The following CNTNAP3B variants were observed in gnomAD, a reference collection of about 807,000 sequenced individuals.
CNTNAP3B encodes the protein contactin associated protein family member 3B, also known as contactin-associated protein-like 3B.
In CNTNAP3B, 25 loss-of-function variants were observed where a neutral mutation model predicts 108.9. The ratio of observed to expected loss-of-function variants is 0.23; its 90% CI spans 0.17 to 0.32. The LOEUF is 0.32. Among genes scored for constraint, CNTNAP3B ranks in the 10% least tolerant of loss-of-function variants. The pLI, the probability that CNTNAP3B is intolerant of heterozygous loss-of-function variation, is 1.00. For synonymous variants in CNTNAP3B, 103 were observed against 473.4 expected (o/e 0.22, Z 10.16); for missense variants, 252 against 1,210.4 (o/e 0.21, Z 11.75).
intron 14 of CNTNAP3B, among the ~76,000 whole-genome samples, chr9:41,937,054 T>A (rs920231966): frequency 1.0e-4 from 15 of 150,452 alleles, no homozygotes; most frequent in Non-Finnish European, 1.8e-4. Context: ...GATTAGCTAT[T>A]TTATGTCCAA....
rs1019406435 is a variant in CNTNAP3B at position 42,092,992 on chromosome 9, A to G, written c.196+11637T>C. On this transcript the variant is annotated intron_variant, in intron 2 of 23. Transcript: ENST00000377561. ...CATATTATTTAATGTTTGCTTTGTC[A>G]TGGCTCTGAGCTAGATGTTGTGAAA... 2.5e-4 allele frequency among the ~76,000 whole-genome samples: 21 copies of G among 83,598 alleles called. 7 individuals carry two copies. The highest frequency in any genetic ancestry group is 4.4e-4 in the Non-Finnish European group (18 of 40,832). 54.8% of individuals were successfully genotyped at this position (83,598 alleles called of 152,430 possible).
intron 2 of CNTNAP3B, among the ~76,000 whole-genome samples, chr9:42,078,476 C>CAT (rs941968232): frequency 7.2e-6 from 1 of 138,394 alleles, no homozygotes; most frequent in African/African-American, 2.9e-5. Flanking sequence ...TGTACACAGA[C>CAT]ATATATATAA....
chr9:41,944,335 AC>A lies in CNTNAP3B; in HGVS notation c.2081-5936del, dbSNP rs1824459149. On this transcript the variant is annotated intron_variant, in intron 13 of 23. Coordinates refer to ENST00000377561, the MANE Select transcript of CNTNAP3B (RefSeq NM_001201380.3). Reference sequence around the variant, plus strand: ...GTAATAGGTAACAGCTCTAAATAATACTAACAATGTATTGGGTGATTATGGC... The same window carrying A: ...GTAATAGGTAACAGCTCTAAATAATATAACAATGTATTGGGTGATTATGGC... Among the ~76,000 whole-genome samples the A allele has an allele frequency of 3.4e-5, 5 of 145,842 alleles. No individual in the cohort carries two copies. In the South Asian group the frequency reaches 1.1e-3, roughly 32 times the overall value.
At chr9:42,076,173 G>T (rs2118611184) in intron 3 of CNTNAP3B, among the ~76,000 whole-genome samples, 1 of 66,296 alleles carries the variant, frequency 1.5e-5, no homozygotes, top group South Asian at 5.7e-4. Context: ...CCAGCACTTT[G>T]GGAGGTCAAG....
chr9:41,918,501 A>T (rs1823578089), intron 18 of CNTNAP3B, among the ~76,000 whole-genome samples: 1 of 145,246 alleles, frequency 6.9e-6, no homozygotes, highest in Admixed American at 6.9e-5. Context: ...ATAAAAAGAA[A>T]ATGTTGGGTG....
chr9:41,978,784 G>C (rs1371790361), intron 9 of CNTNAP3B, among the ~76,000 whole-genome samples: 1 of 141,918 alleles, frequency 7.0e-6, no homozygotes, highest in Non-Finnish European at 1.5e-5. Flanking sequence ...TAAGAGAGCA[G>C]ATTTTCAATG....
At chr9:41,945,633 G>A (rs1313466831) in intron 13 of CNTNAP3B, among the ~76,000 whole-genome samples, 1 of 152,312 alleles carries the variant, frequency 6.6e-6, no homozygotes, top group Non-Finnish European at 1.5e-5. Context: ...TGGGGAGAGG[G>A]GAGGAATAGC....
chr9:42,121,173 A>T (rs1383419545), intron 1 of CNTNAP3B, among the ~76,000 whole-genome samples: 1 of 137,882 alleles, frequency 7.3e-6, no homozygotes, highest in Non-Finnish European at 1.5e-5. Flanking sequence ...TGTCTCTCAG[A>T]GGCACAGCTG....
chr9:41,964,302 C>T (rs1825197249), intron 11 of CNTNAP3B, among the ~76,000 whole-genome samples: 1 of 152,152 alleles, frequency 6.6e-6, no homozygotes, highest in African/African-American at 2.4e-5. Context: ...AGACTTATTT[C>T]CCCATTGCTT....
chr9:41,967,732 A>C (rs1400182823), intron 10 of CNTNAP3B, among the ~76,000 whole-genome samples: 1 of 152,282 alleles, frequency 6.6e-6, no homozygotes, highest in East Asian at 1.9e-4. Context: ...TTATTGCTTT[A>C]TAAAATTCAG....
intron 14 of CNTNAP3B, among the ~76,000 whole-genome samples, chr9:41,931,741 G>T (rs1238035710): frequency 1.3e-5 from 2 of 149,124 alleles, no homozygotes; most frequent in African/African-American, 5.0e-5. Context: ...GTAGGTCTAG[G>T]AAATTTTTTA....
rs1407936632 is a variant in CNTNAP3B at position 42,115,315 on chromosome 9, G to A, written c.86-10576C>T. Among the ~76,000 whole-genome samples, 9 of 132,428 alleles carry A rather than the reference G, an allele frequency of 6.8e-5. 2 individuals are homozygous for A. In the East Asian group the frequency reaches 7.1e-4, roughly 10 times the overall value. 86.9% of individuals were successfully genotyped at this position (132,428 alleles called of 152,430 possible). A position where few individuals can be genotyped will look rare whatever the true frequency, so the allele number is the denominator to read the frequency against. On this transcript the variant is annotated intron_variant, in intron 1 of 23. Coordinates refer to ENST00000377561, the MANE Select transcript of CNTNAP3B (RefSeq NM_001201380.3). ...GTCTACAGCTCCCAGCATGAACGAC[G>A]CAGAAGACAGGTGATTTCTGAATTT...
chr9:42,056,853 T>C (rs1449193210), intron 3 of CNTNAP3B, among the ~76,000 whole-genome samples: 9 of 78,472 alleles, frequency 1.1e-4, no homozygotes, highest in Non-Finnish European at 1.9e-4. Context: ...TTTATTAGTC[T>C]CTTTAATGTG....
At chr9:41,948,170 C>T (rs1260563953) in intron 13 of CNTNAP3B, among the ~76,000 whole-genome samples, 14 of 149,108 alleles carry the variant, frequency 9.4e-5, no homozygotes, top group Non-Finnish European at 2.1e-4. Flanking sequence ...TGGCTCACTG[C>T]AACCTCTGCC....
chr9:41,916,519 C>T (rs1420636258), intron 18 of CNTNAP3B, among the ~76,000 whole-genome samples: 3 of 152,146 alleles, frequency 2.0e-5, no homozygotes, highest in African/African-American at 7.2e-5. Flanking sequence ...AGGCTAATAG[C>T]AGTGAATTCT....
At chr9:42,117,320 ACTGT>A (rs1183228712) in intron 1 of CNTNAP3B, among the ~76,000 whole-genome samples, 2 of 133,686 alleles carry the variant, frequency 1.5e-5, no homozygotes, top group Admixed American at 7.5e-5. Flanking sequence ...ATTATAACAA[ACTGT>A]CTCTCAGACC....
At chr9:41,958,367 C>G in intron 12 of CNTNAP3B, among the ~76,000 whole-genome samples, 1 of 150,400 alleles carries the variant, frequency 6.6e-6, no homozygotes, top group Non-Finnish European at 1.5e-5. Context: ...AGACTGGTCT[C>G]AAAACTGGTC....
intron 14 of CNTNAP3B, among the ~76,000 whole-genome samples, chr9:41,934,122 T>TATATATATATATATACACACAC (rs1214326050): frequency 2.0e-4 from 15 of 73,446 alleles, no homozygotes; most frequent in Middle Eastern, 7.2e-3. Context: ...TATATATATA[T>TATATATATATATATACACACAC]ACACACACAT....
At chr9:42,077,217 AC>A (rs1827511635) in intron 2 of CNTNAP3B, among the ~76,000 whole-genome samples, 155 bp from the exon 3 acceptor site, 1 of 124,798 alleles carries the variant, frequency 8.0e-6, no homozygotes, top group Non-Finnish European at 1.7e-5. Context: ...GACTGGATGA[AC>A]CCTAAATTGT....
Sources: gnomAD v4.1 joint callset for allele counts (sites outside exome capture counted in the v4.1 genomes callset) on GRCh38, gnomAD v4.1.1 for gene constraint, MANE v1.5 for transcripts, NCBI Gene and HGNC (gene_info 2026-07-23, HGNC 2026-07-21) for gene names.